CPA6: variants seen among roughly 807,000 people sequenced by gnomAD.
CPA6 encodes the protein carboxypeptidase B.
In CPA6, 58 loss-of-function variants were observed where a neutral mutation model predicts 63.3. The observed-to-expected ratio is 0.92, with a 90% confidence interval of 0.74 to 1.14. The LOEUF (loss-of-function observed/expected upper bound fraction) is 1.14, where lower values mean the gene tolerates loss of function less well. Ranked by LOEUF, CPA6 falls within the 50% of genes most tolerant of loss-of-function variation. CPA6 has a pLI of 0.00. For missense variants in CPA6, 565 were observed against 526.6 expected (o/e 1.07, Z -0.71); for synonymous variants, 185 against 179.0 (o/e 1.03, Z -0.27).
intron 2 of CPA6, among the ~76,000 whole-genome samples, chr8:67,590,593 G>A (rs1205627426): frequency 1.3e-5 from 2 of 152,212 alleles, no homozygotes; most frequent in African/African-American, 4.8e-5. Context: ...TAACTGGTGT[G>A]AGATGGTATC....
intron 7 of CPA6, among the ~76,000 whole-genome samples, chr8:67,484,074 C>CTTT (rs11320694): frequency 6.8e-6 from 1 of 146,538 alleles, no homozygotes. Flanking sequence ...TTTGCCTTCT[C>CTTT]TTTTTTTTTT....
Position 67,542,580 on chromosome 8 carries a change from T to C in CPA6, c.193-24533A>G, listed in dbSNP as rs200471576. Among the ~76,000 whole-genome samples, 31 of 152,356 alleles carry C rather than the reference T, an allele frequency of 2.0e-4. No individual in the cohort carries two copies. In the East Asian group the frequency reaches 3.3e-3, roughly 16 times the overall value. ...AGGTACAATCTGTTCTGGTAGAATA[T>C]GTATTTCTGTAATTCAAAGGAGCTT... On this transcript the variant is annotated intron_variant, in intron 2 of 10. Transcript: ENST00000297770.
chr8:67,548,778 G>T (rs1344909492), intron 2 of CPA6, among the ~76,000 whole-genome samples: 2 of 152,178 alleles, frequency 1.3e-5, no homozygotes, highest in Admixed American at 6.5e-5. Flanking sequence ...ATGTTTGAGG[G>T]ATTTCCCACT....
At chr8:67,437,721 T>G (rs1168383198) in intron 8 of CPA6, among the ~76,000 whole-genome samples, 2 of 151,934 alleles carry the variant, frequency 1.3e-5, no homozygotes, top group Non-Finnish European at 2.9e-5. Flanking sequence ...AATGAATTAA[T>G]AAGATGGAGA....
At chr8:67,633,726 T>C (rs1026845741) in intron 1 of CPA6, among the ~76,000 whole-genome samples, 8 of 152,144 alleles carry the variant, frequency 5.3e-5, no homozygotes, top group African/African-American at 7.2e-5. Flanking sequence ...ATTTTTCTTA[T>C]CTAGTGGTTT....
intron 5 of CPA6, among the ~76,000 whole-genome samples, chr8:67,507,763 A>T (rs914489177): frequency 1.3e-5 from 2 of 152,144 alleles, no homozygotes; most frequent in African/African-American, 4.8e-5. Context: ...AATTTTCCTA[A>T]GTAATAAAAT....
intron 2 of CPA6, among the ~76,000 whole-genome samples, chr8:67,524,558 C>T (rs192874090): frequency 1.3e-4 from 20 of 152,024 alleles, no homozygotes; most frequent in African/African-American, 4.8e-4. Context: ...TTCTCCTCTT[C>T]TGTCACTTGT....
chr8:67,591,798 G>C (rs145700282), intron 2 of CPA6, among the ~76,000 whole-genome samples: 21 of 152,248 alleles, frequency 1.4e-4, no homozygotes, highest in Admixed American at 2.6e-4. Flanking sequence ...TGAGACAATG[G>C]GGTTTTCTAG....
chr8:67,444,034 C>T (rs1810356593), intron 8 of CPA6, among the ~76,000 whole-genome samples: 1 of 151,526 alleles, frequency 6.6e-6, no homozygotes, highest in Non-Finnish European at 1.5e-5. Context: ...CTCTGTCGCC[C>T]AGGCTGGAGT....
intron 8 of CPA6, among the ~76,000 whole-genome samples, chr8:67,461,233 G>A (rs1359143029): frequency 2.1e-5 from 3 of 141,024 alleles, no homozygotes; most frequent in South Asian, 2.4e-4. Flanking sequence ...TGTGTCCCTG[G>A]GTACTTGAGA....
intron 2 of CPA6, among the ~76,000 whole-genome samples, chr8:67,560,786 CG>C (rs1813191095): frequency 6.6e-6 from 1 of 152,138 alleles, no homozygotes; most frequent in Non-Finnish European, 1.5e-5. Context: ...CATTTCCTTT[CG>C]TAGTCCTTTT....
intron 1 of CPA6, among the ~76,000 whole-genome samples, chr8:67,702,707 A>C (rs1178526293): frequency 1.3e-5 from 2 of 152,206 alleles, no homozygotes; most frequent in African/African-American, 4.8e-5. Context: ...AGTGAGTAGA[A>C]TACAACTTCA....
At chr8:67,715,925 G>A (rs181520902) in intron 1 of CPA6, among the ~76,000 whole-genome samples, 78 of 152,208 alleles carry the variant, frequency 5.1e-4, no homozygotes, top group African/African-American at 1.5e-3. Context: ...AGGCCGAGAC[G>A]GGTGGATCAC....
At chr8:67,560,921 C>A (rs930922612) in intron 2 of CPA6, among the ~76,000 whole-genome samples, 1 of 152,132 alleles carries the variant, frequency 6.6e-6, no homozygotes, top group African/African-American at 2.4e-5. Context: ...AAATAATTAT[C>A]ATTTGGAGAG....
At chr8:67,470,967 G>T (rs1049656456) in intron 8 of CPA6, among the ~76,000 whole-genome samples, 7 of 152,052 alleles carry the variant, frequency 4.6e-5, no homozygotes, top group Admixed American at 2.6e-4. Flanking sequence ...AAAAAGCAAG[G>T]TCATGTTGTT....
intron 1 of CPA6, among the ~76,000 whole-genome samples, chr8:67,728,692 C>T (rs1384430837): frequency 1.3e-5 from 2 of 152,206 alleles, no homozygotes; most frequent in African/African-American, 4.8e-5. Context: ...GTCCTAGTCT[C>T]TGCCTAAGCA....
chr8:67,574,631 A>G (rs1043716413), intron 2 of CPA6, among the ~76,000 whole-genome samples: 3 of 152,174 alleles, frequency 2.0e-5, no homozygotes, highest in African/African-American at 4.8e-5. Context: ...AGAATATACA[A>G]TGGGAAAAGG....
rs138844005 is a variant in CPA6, at chr8:67,469,608, A to C, written c.838+14160T>G. Among the ~76,000 whole-genome samples the C allele has an allele frequency of 2.1e-4, 32 of 152,266 alleles. No individual in the cohort carries two copies. The East Asian group carries it at 6.0e-3, about 28-fold the overall frequency. The stretch of plus-strand genomic sequence containing the variant: ...GTGACAGAGTGAGACTGTCTCAAAA[A>C]AAAGAAAAGAAAGAAATGACCAGCC... On this transcript the variant is annotated intron_variant, in intron 8 of 10. Coordinates refer to ENST00000297770, the MANE Select transcript of CPA6 (RefSeq NM_020361.5).
intron 2 of CPA6, among the ~76,000 whole-genome samples, chr8:67,539,361 C>T (rs527566979): frequency 1.3e-5 from 2 of 152,314 alleles, no homozygotes; most frequent in East Asian, 1.9e-4. Flanking sequence ...TCTGCAAAGA[C>T]ATCCGCTCTT....
Sources: allele counts gnomAD v4.1 joint callset (sites outside exome capture counted in the v4.1 genomes callset), GRCh38; gene constraint gnomAD v4.1.1; transcripts MANE v1.5; gene names NCBI Gene and HGNC (gene_info 2026-07-23, HGNC 2026-07-21).